Variants in CDC37L1 observed in about 807,000 individuals in gnomAD.
CDC37L1 encodes the protein cell division cycle 37 like 1, HSP90 cochaperone.
In CDC37L1, 32 loss-of-function variants were observed where a neutral mutation model predicts 45.9. That is an observed-to-expected ratio of 0.70 (90% CI 0.53 to 0.94). The LOEUF (loss-of-function observed/expected upper bound fraction) is 0.94. CDC37L1 is among the 40% of genes least tolerant of loss of function. The pLI is 0.00. For missense variants in CDC37L1, 434 were observed against 405.7 expected (o/e 1.07, Z -0.60); for synonymous variants, 150 against 133.0 (o/e 1.13, Z -0.88).
intron 3 of CDC37L1, among the ~76,000 whole-genome samples, chr9:4,694,006 A>G (rs1841324600): frequency 6.6e-6 from 1 of 152,184 alleles, no homozygotes; most frequent in African/African-American, 2.4e-5. Context: ...CCATTTGTAT[A>G]CAAGTTTGTT....
chr9:4,696,575 C>T (rs1393310320), intron 3 of CDC37L1, among the ~76,000 whole-genome samples: 3 of 151,650 alleles, frequency 2.0e-5, no homozygotes, highest in South Asian at 2.1e-4. Flanking sequence ...TTGCTGGTTC[C>T]GTGATTTCTT....
intron 1 of CDC37L1, among the ~76,000 whole-genome samples, chr9:4,682,578 G>C (rs541658868): frequency 1.7e-4 from 26 of 152,056 alleles, no homozygotes; most frequent in African/African-American, 6.3e-4. Context: ...GCCCGCCTCG[G>C]CCTCCTGAAG....
chr9:4,691,550 T>A (rs560298472), intron 3 of CDC37L1, among the ~76,000 whole-genome samples: 4 of 152,298 alleles, frequency 2.6e-5, no homozygotes, highest in African/African-American at 4.8e-5. Context: ...TTGGATTGCA[T>A]TCTGGACTCT....
chr9:4,684,941 C>T lies in CDC37L1; in HGVS notation c.197C>T (p.Ala66Val), dbSNP rs766681257. The change falls in exon 2 of 7, where the codon GCG (alanine) becomes GTG (valine). Residue 66 changes from alanine to valine, a missense_variant. Physicochemically the swap from Ala to Val is moderately conservative, Grantham distance 64. Transcript: ENST00000381854. ...KQKEFVKSSV[A>V]CKWNLAEAQQ... The stretch of plus-strand genomic sequence containing the variant: ...AAAGAGTTTGTGAAGAGCTCTGTGG[C>T]GTGCAAATGGAATCTTGCTGAAGCT... The T allele has an allele frequency of 1.5e-5, 24 of 1,613,122 alleles. No homozygotes were observed. Among genetic ancestry groups the T allele is most frequent in the East Asian group, 2.2e-5 (1 of 44,874 alleles).
chr9:4,701,063 A>G (rs1053683382), intron 5 of CDC37L1, among the ~76,000 whole-genome samples: 4 of 152,264 alleles, frequency 2.6e-5, no homozygotes, highest in African/African-American at 7.2e-5. Context: ...TTATTTCAAT[A>G]GAAGCTGATG....
intron 3 of CDC37L1, among the ~76,000 whole-genome samples, chr9:4,691,332 G>A (rs1200342306): frequency 6.6e-6 from 1 of 152,030 alleles, no homozygotes; most frequent in Non-Finnish European, 1.5e-5. Flanking sequence ...CCCACCCTCC[G>A]CCCTTCGGTA....
chr9:4,691,949 T>C (rs540455996), intron 3 of CDC37L1, among the ~76,000 whole-genome samples: 1 of 152,346 alleles, frequency 6.6e-6, no homozygotes, highest in African/African-American at 2.4e-5. Flanking sequence ...TCACTGGCTT[T>C]ATGGTCATCA....
Position 4,697,113 on chromosome 9 carries a change from G to A in CDC37L1, c.526G>A (p.Asp176Asn). 1.3e-6 allele frequency: 2 copies of A among 1,530,082 alleles called. No homozygotes were observed. Among genetic ancestry groups the A allele is most frequent in the Non-Finnish European group, 1.8e-6 (2 of 1,105,376 alleles). The allele number at this position is 1,530,082 out of a possible 1,614,324, so 94.8% of individuals were successfully genotyped here. Residue 176 changes from aspartate (D) to asparagine (N), a missense_variant, in exon 4 of 7, where the codon GAT becomes AAT. Physicochemically the swap from Asp to Asn is conservative, Grantham distance 23 (BLOSUM62 1). Coordinates refer to ENST00000381854, the MANE Select transcript of CDC37L1 (RefSeq NM_017913.4). ...IRHFGMLSRWDDSQRFLSDHP... is the reference protein window; with the variant it reads ...IRHFGMLSRWNDSQRFLSDHP... The stretch of plus-strand genomic sequence containing the variant: ...TTTTACAGGTATGTTGAGTCGATGG[G>A]ATGATAGCCAGAGATTTTTGTCTGA...
chr9:4,697,532 A>G (rs1191670811), intron 4 of CDC37L1, among the ~76,000 whole-genome samples: 1 of 152,088 alleles, frequency 6.6e-6, no homozygotes, highest in Non-Finnish European at 1.5e-5. Context: ...GACGGTAATC[A>G]TGGTATTAAA....
rs1435241839 is a variant in CDC37L1, at chr9:4,697,618, CTT to C, written c.625-137_625-136del. ...AATAAAAAAAAAACTAAGATATACTCTTTATATGTTTGTAAAGTATTTGACTT... is the reference window on the plus strand; with the variant it reads ...AATAAAAAAAAAACTAAGATATACTCTATATGTTTGTAAAGTATTTGACTT... On this transcript the variant is annotated intron_variant, in intron 4 of 6. Transcript: ENST00000381854. 4 of 554,104 alleles carry C rather than the reference CTT, an allele frequency of 7.2e-6. No individual in the cohort carries two copies. The East Asian group carries it at 1.2e-4, about 17-fold the overall frequency. 34.3% of individuals were successfully genotyped at this position (554,104 alleles called of 1,614,324 possible). A position where few individuals can be genotyped will look rare whatever the true frequency, so the allele number is the denominator to read the frequency against.
chr9:4,685,513 T>A (rs1841239259), intron 2 of CDC37L1: 1 of 171,650 alleles, frequency 5.8e-6, no homozygotes, highest in Admixed American at 5.5e-5. Context: ...CCTACACTGA[T>A]TATCACTACT....
In CDC37L1 at chr9:4,680,564, G is replaced by A. The variant is rs140954229; in HGVS notation, c.132+665G>A. Among the ~76,000 whole-genome samples the A allele has an allele frequency of 1.8e-3, 270 of 152,196 alleles. 3 individuals carry two copies. Among genetic ancestry groups the A allele is most frequent in the Admixed American group, 0.017 (256 of 15,274 alleles). On this transcript the variant is annotated intron_variant, in intron 1 of 6. Transcript: ENST00000381854. ...ACTTCTCTTAGGTTCCTGGTATTGT[G>A]TTTTCAATCCAGCATTCCTGCCTTC...
At chr9:4,687,323 T>C (rs1019875051) in intron 2 of CDC37L1, among the ~76,000 whole-genome samples, 4 of 152,198 alleles carry the variant, frequency 2.6e-5, no homozygotes, top group Non-Finnish European at 1.5e-5. Flanking sequence ...ACTTCCTTAA[T>C]AGAAATTTGT....
chr9:4,703,131 T>C, intron 6 of CDC37L1: 1 of 1,520,226 alleles, frequency 6.6e-7, no homozygotes, highest in Non-Finnish European at 8.8e-7. Context: ...ATCTGTTGTC[T>C]ACATTGTGAG....
At chr9:4,682,957 A>G (rs1020311544) in intron 1 of CDC37L1, among the ~76,000 whole-genome samples, 19 of 145,240 alleles carry the variant, frequency 1.3e-4, no homozygotes, top group Non-Finnish European at 2.6e-4. Context: ...TAAATATTTT[A>G]TTTTAAAATA....
chr9:4,689,480 G>C (rs1422861116), intron 3 of CDC37L1, among the ~76,000 whole-genome samples: 1 of 151,740 alleles, frequency 6.6e-6, no homozygotes, highest in Non-Finnish European at 1.5e-5. Flanking sequence ...CTTCAGTTAT[G>C]TCAATATAAT....
At chr9:4,689,480 G>A (rs1422861116) in intron 3 of CDC37L1, among the ~76,000 whole-genome samples, 1 of 151,740 alleles carries the variant, frequency 6.6e-6, no homozygotes, top group African/African-American at 2.4e-5. Flanking sequence ...CTTCAGTTAT[G>A]TCAATATAAT....
chr9:4,683,810 T>G (rs1419061554), intron 1 of CDC37L1, among the ~76,000 whole-genome samples: 1 of 152,238 alleles, frequency 6.6e-6, no homozygotes, highest in Admixed American at 6.5e-5. Context: ...CTGAAGTTGA[T>G]GTACATTTGA....
At chr9:4,698,729 T>C (rs1841371464) in intron 5 of CDC37L1, among the ~76,000 whole-genome samples, 2 of 152,106 alleles carry the variant, frequency 1.3e-5, no homozygotes, top group Non-Finnish European at 2.9e-5. Flanking sequence ...TTCAAGACCT[T>C]TTCAGGAGGT....
Sources: allele counts gnomAD v4.1 joint callset (sites outside exome capture counted in the v4.1 genomes callset), GRCh38; gene constraint gnomAD v4.1.1; transcripts MANE v1.5; gene names NCBI Gene and HGNC (gene_info 2026-07-23, HGNC 2026-07-21).